The following KCNIP4 variants were observed in gnomAD, a reference collection of about 807,000 sequenced individuals.
KCNIP4 encodes the protein potassium voltage-gated channel interacting protein 4.
Under a neutral mutation model 34.0 loss-of-function variants are expected in KCNIP4, and 12 were observed. The ratio of observed to expected loss-of-function variants is 0.35; its 90% CI spans 0.23 to 0.57. The LOEUF (loss-of-function observed/expected upper bound fraction) is 0.57. Among genes scored for constraint, KCNIP4 ranks in the 20% least tolerant of loss-of-function variants. The pLI is 0.83. For synonymous variants in KCNIP4, 124 were observed against 102.2 expected (o/e 1.21, Z -1.29); for missense variants, 238 against 311.7 (o/e 0.76, Z 1.78).
chr4:21,863,988 A>G (rs1174598416), intron 1 of KCNIP4, among the ~76,000 whole-genome samples: 2 of 152,256 alleles, frequency 1.3e-5, no homozygotes, highest in African/African-American at 4.8e-5. Flanking sequence ...TTCCTGTAAT[A>G]TACTAATGAA....
intron 1 of KCNIP4, among the ~76,000 whole-genome samples, chr4:21,860,588 G>A (rs540141490): frequency 2.0e-5 from 3 of 151,902 alleles, no homozygotes; most frequent in Admixed American, 6.6e-5. Flanking sequence ...CTTGAACAGT[G>A]GAATTTGAAT....
intron 1 of KCNIP4, among the ~76,000 whole-genome samples, chr4:20,910,815 G>T (rs1459236951): frequency 6.6e-6 from 1 of 152,094 alleles, no homozygotes; most frequent in African/African-American, 2.4e-5. Context: ...AGTTATGCTT[G>T]GTTTTGCCTA....
chr4:20,892,455 CTCT>C lies in KCNIP4; in HGVS notation c.62-9749_62-9747del, dbSNP rs375539112. On this transcript the variant is annotated intron_variant, in intron 1 of 8. Coordinates refer to ENST00000382152, the MANE Select transcript of KCNIP4 (RefSeq NM_025221.6). ...CTTTTATCTTTGTCTCTTTGTCTCC[CTCT>C]TCTTCTCTGTCTCTGAGTTTCTCTG... Among the ~76,000 whole-genome samples the C allele has an allele frequency of 2.1e-4, 32 of 152,144 alleles. No individual in the cohort carries two copies. In the East Asian group the frequency reaches 2.3e-3, roughly 11 times the overall value.
intron 1 of KCNIP4, among the ~76,000 whole-genome samples, chr4:21,708,508 T>C (rs1713467029): frequency 1.3e-5 from 2 of 152,080 alleles, no homozygotes; most frequent in African/African-American, 4.8e-5. Context: ...CATCTTGGAA[T>C]GAGAAGTCAA....
At chr4:20,941,121 G>A (rs1327847955) in intron 1 of KCNIP4, among the ~76,000 whole-genome samples, 1 of 152,120 alleles carries the variant, frequency 6.6e-6, no homozygotes, top group Non-Finnish European at 1.5e-5. Context: ...TGCACCTACT[G>A]GATAGGAAAG....
chr4:20,772,061 G>C (rs1336392768), intron 3 of KCNIP4, among the ~76,000 whole-genome samples: 1 of 152,146 alleles, frequency 6.6e-6, no homozygotes, highest in Admixed American at 6.6e-5. Flanking sequence ...TCCCTGAGAA[G>C]TAGAAAAGGT....
At chr4:21,315,294 G>T in intron 1 of KCNIP4, 1 of 157,400 alleles carries the variant, frequency 6.4e-6, no homozygotes, top group African/African-American at 2.4e-5. Flanking sequence ...ATGTGAAGAT[G>T]ACGAAGATGA....
At chr4:21,519,713 TATATATACACAC>T (rs1314101361) in intron 1 of KCNIP4, among the ~76,000 whole-genome samples, 3,378 of 124,592 alleles carry the variant, frequency 0.027, 171 homozygotes, top group East Asian at 0.081. Flanking sequence ...TATGTATGTG[TATATATACACAC>T]GTGTGTATAT....
chr4:21,357,217 A>T (rs905190137), intron 1 of KCNIP4, among the ~76,000 whole-genome samples: 2 of 152,204 alleles, frequency 1.3e-5, no homozygotes, highest in East Asian at 3.9e-4. Context: ...AAAACCCTAG[A>T]AGAAAACTTA....
intron 1 of KCNIP4, among the ~76,000 whole-genome samples, chr4:21,442,240 A>T (rs1321736346): frequency 6.6e-6 from 1 of 152,150 alleles, no homozygotes. Context: ...GGAGGAAAAA[A>T]AAAGTGAGAC....
intron 1 of KCNIP4, among the ~76,000 whole-genome samples, chr4:21,752,879 A>G (rs1717246828): frequency 6.6e-6 from 1 of 152,178 alleles, no homozygotes; most frequent in Admixed American, 6.6e-5. Context: ...GAAATTTTTC[A>G]TTGAGCTATC....
intron 1 of KCNIP4, among the ~76,000 whole-genome samples, chr4:21,714,866 T>C (rs375057177): frequency 0.46 from 609 of 1,332 alleles, 31 homozygotes; most frequent in Middle Eastern, 0.5. Flanking sequence ...TTTATTTTAT[T>C]TTATTTTATT....
chr4:21,127,937 A>G (rs1486529660), intron 1 of KCNIP4, among the ~76,000 whole-genome samples: 3 of 152,228 alleles, frequency 2.0e-5, no homozygotes, highest in African/African-American at 7.2e-5. Flanking sequence ...GCCTCAATCA[A>G]TATTTATAAC....
chr4:21,625,228 T>A (rs1020987373), intron 1 of KCNIP4, among the ~76,000 whole-genome samples: 5 of 152,132 alleles, frequency 3.3e-5, no homozygotes, highest in African/African-American at 1.2e-4. Context: ...TTACCTCTAT[T>A]TTTGAATCTA....
At chr4:20,831,977 A>G (rs1718484668) in intron 3 of KCNIP4, among the ~76,000 whole-genome samples, 1 of 152,242 alleles carries the variant, frequency 6.6e-6, no homozygotes. Flanking sequence ...AAATAATTAC[A>G]GACCACAAGC....
At chr4:21,179,397 G>A (rs1320406155) in intron 1 of KCNIP4, among the ~76,000 whole-genome samples, 1 of 152,186 alleles carries the variant, frequency 6.6e-6, no homozygotes, top group Non-Finnish European at 1.5e-5. Flanking sequence ...TAACAAAGAT[G>A]TGTACAAAGA....
At chr4:21,509,760 C>T (rs16871289) in intron 1 of KCNIP4, among the ~76,000 whole-genome samples, 10,907 of 152,106 alleles carry the variant, frequency 0.072, 1,211 homozygotes, top group African/African-American at 0.24. Context: ...ATCTTCTGGC[C>T]TGTGTTTGTA....
intron 1 of KCNIP4, among the ~76,000 whole-genome samples, chr4:20,953,008 C>T (rs1442272565): frequency 6.6e-6 from 1 of 152,248 alleles, no homozygotes; most frequent in African/African-American, 2.4e-5. Flanking sequence ...GAATGGAGCC[C>T]TCATGACTTA....
intron 3 of KCNIP4, among the ~76,000 whole-genome samples, chr4:20,824,225 T>C (rs529612269): frequency 6.6e-6 from 1 of 152,374 alleles, no homozygotes; most frequent in South Asian, 2.1e-4. Context: ...TGTATGTGTG[T>C]ATACAATCTA....
Sources: allele counts gnomAD v4.1 joint callset (sites outside exome capture counted in the v4.1 genomes callset), GRCh38; gene constraint gnomAD v4.1.1; transcripts MANE v1.5; gene names NCBI Gene and HGNC (gene_info 2026-07-23, HGNC 2026-07-21).